The following ARHGEF37 variants were observed in gnomAD, a reference collection of about 807,000 sequenced individuals.
The protein encoded by ARHGEF37 is Rho guanine nucleotide exchange factor (GEF) 37.
ARHGEF37 carries 55 observed loss-of-function variants against 71.1 expected under a neutral mutation model. The ratio of observed to expected loss-of-function variants is 0.77; its 90% CI spans 0.62 to 0.97. The LOEUF (loss-of-function observed/expected upper bound fraction) is 0.97. Among genes scored for constraint, ARHGEF37 ranks in the 50% least tolerant of loss-of-function variants. ARHGEF37 has a pLI of 0.00. For missense variants in ARHGEF37, 765 were observed against 836.8 expected, an observed-to-expected ratio of 0.91 and a Z score of 1.06; for synonymous variants, 327 against 350.6, an observed-to-expected ratio of 0.93 and a Z score of 0.75.
At chr5:149,557,478 G>T (rs4705349) in intron 1 of ARHGEF37, among the ~76,000 whole-genome samples, 1 of 150,320 alleles carries the variant, frequency 6.7e-6, no homozygotes, top group Non-Finnish European at 1.5e-5. Flanking sequence ...TTGTTTGTTT[G>T]TTTATTTATT....
At chr5:149,577,030 C>T (rs1484471402), upstream of ARHGEF37, among the ~76,000 whole-genome samples, 4 of 152,056 alleles carry the variant, frequency 2.6e-5, no homozygotes, top group Non-Finnish European at 5.9e-5. Context: ...TAGTAGAATA[C>T]ACTTTTTACA....
intron 1 of ARHGEF37, among the ~76,000 whole-genome samples, chr5:149,562,555 G>A (rs1321120015): frequency 6.6e-6 from 1 of 152,136 alleles, no homozygotes; most frequent in Admixed American, 6.5e-5. Flanking sequence ...CTATCCTCCT[G>A]CCTCAACCTC....
upstream of ARHGEF37, among the ~76,000 whole-genome samples, chr5:149,580,734 A>G (rs936514079): frequency 3.3e-5 from 5 of 152,230 alleles, no homozygotes; most frequent in Non-Finnish European, 5.9e-5. Context: ...ATAATAAATA[A>G]TAAGCCCTAA....
chr5:149,588,005 T>G (rs1344929967), intron 1 of ARHGEF37, among the ~76,000 whole-genome samples: 1 of 151,172 alleles, frequency 6.6e-6, no homozygotes, highest in Non-Finnish European at 1.5e-5. Context: ...CAAGCGATTC[T>G]CCTGCCTCAG....
chr5:149,626,927 C>T, intron 10 of ARHGEF37, 149 bp from the exon 11 acceptor site: 1 of 630,210 alleles, frequency 1.6e-6, no homozygotes, highest in Non-Finnish European at 2.5e-6. Flanking sequence ...CTAGTGAGGG[C>T]CCTGTTGCCC....
intron 11 of ARHGEF37, 26 bp downstream of exon 11, chr5:149,627,297 T>C (rs746637557): frequency 3.5e-5 from 56 of 1,603,766 alleles, no homozygotes; most frequent in Middle Eastern, 1.8e-4. Context: ...GGAGCCCTTC[T>C]TCTCCTTCGG....
At chr5:149,596,548 G>T (rs1763552468) in intron 1 of ARHGEF37, among the ~76,000 whole-genome samples, 2 of 152,120 alleles carry the variant, frequency 1.3e-5, no homozygotes, top group Admixed American at 6.6e-5. Context: ...CAGGTGGTTT[G>T]CCCACCTCAG....
intron 1 of ARHGEF37, among the ~76,000 whole-genome samples, chr5:149,565,207 ACTCCCAAAGCACC>A (rs1264450214): frequency 4.6e-5 from 7 of 152,070 alleles, no homozygotes; most frequent in Non-Finnish European, 1.0e-4. Context: ...CCTTTTATTT[ACTCCCAAAGCACC>A]CTGTTCTTCC....
intron 1 of ARHGEF37, among the ~76,000 whole-genome samples, chr5:149,586,092 C>A (rs953356721): frequency 6.6e-6 from 1 of 152,166 alleles, no homozygotes; most frequent in African/African-American, 2.4e-5. Context: ...ATGATCCCTG[C>A]CCTCATGGAG....
At chr5:149,574,112 C>T (rs1763000510) in intron 1 of ARHGEF37, among the ~76,000 whole-genome samples, 1 of 152,140 alleles carries the variant, frequency 6.6e-6, no homozygotes, top group South Asian at 2.1e-4. Flanking sequence ...TATCCTTGCC[C>T]ACACAATGGC....
intron 1 of ARHGEF37, among the ~76,000 whole-genome samples, chr5:149,594,443 T>G (rs1363373194): frequency 2.6e-5 from 4 of 152,206 alleles, no homozygotes; most frequent in Admixed American, 2.6e-4. Flanking sequence ...ACAGATTTGT[T>G]TCAGGATCTT....
rs1202292580 is a variant in ARHGEF37, at chr5:149,598,742, ATATATATC to A, written c.186+795_186+802del. Among the ~76,000 whole-genome samples, 102 of 75,514 alleles carry A rather than the reference ATATATATC, an allele frequency of 1.4e-3. 2 individuals are homozygous for A. In the East Asian group the frequency reaches 0.034, roughly 25 times the overall value. The allele number at this position is 75,514 out of a possible 152,430, so 49.5% of individuals were successfully genotyped here. A position where few individuals can be genotyped will look rare whatever the true frequency, so the allele number is the denominator to read the frequency against. ...ATTCCAGAAAAAATAAATCTCATAT[ATATATATC>A]TATATATAGATATAGATATAGATAT... On this transcript the variant is annotated intron_variant, in intron 2 of 12. Coordinates refer to ENST00000333677, the MANE Select transcript of ARHGEF37 (RefSeq NM_001001669.3).
At chr5:149,581,114 G>C (rs1166741564), upstream of ARHGEF37, among the ~76,000 whole-genome samples, 2 of 152,208 alleles carry the variant, frequency 1.3e-5, no homozygotes, top group Non-Finnish European at 2.9e-5. Context: ...CCAACACTAA[G>C]AATTAAATTG....
At chr5:149,566,360 G>A (rs571694623) in intron 1 of ARHGEF37, among the ~76,000 whole-genome samples, 12 of 151,934 alleles carry the variant, frequency 7.9e-5, no homozygotes, top group African/African-American at 1.2e-4. Context: ...AGCTGGTCAT[G>A]GTAGCAGGCA....
At chr5:149,561,046 A>G (rs1762822182) in intron 1 of ARHGEF37, among the ~76,000 whole-genome samples, 3 of 152,124 alleles carry the variant, frequency 2.0e-5, no homozygotes, top group Admixed American at 2.0e-4. Context: ...AGGCCAAAGC[A>G]GGTGGATCAC....
intron 1 of ARHGEF37, among the ~76,000 whole-genome samples, chr5:149,558,481 G>T (rs1407820493): frequency 6.6e-6 from 1 of 152,146 alleles, no homozygotes; most frequent in Non-Finnish European, 1.5e-5. Context: ...ACTCCAGCCT[G>T]GGCGACAGAG....
In ARHGEF37 at chr5:149,621,999, C is replaced by T. The variant is rs776755385; in HGVS notation, c.1272C>T (p.Phe424=). The change falls in exon 9 of 13, where the codon TTC becomes TTT. Residue 424 remains phenylalanine, a synonymous_variant. Transcript: ENST00000333677. ...MQWLGQIMCT[F]VTLQRDLAKQ... is the part of the protein sequence containing the mutation. ...GGCTGGGCCAGATCATGTGCACATT[C>T]GTGACCCTCCAGAGGGACCTTGCAA... The T allele has an allele frequency of 5.0e-5, 80 of 1,613,994 alleles. No individual in the cohort carries two copies. Among genetic ancestry groups the T allele is most frequent in the South Asian group, 3.5e-4 (32 of 91,084 alleles).
At chr5:149,563,178 C>T (rs1219066104) in intron 1 of ARHGEF37, among the ~76,000 whole-genome samples, 1 of 152,208 alleles carries the variant, frequency 6.6e-6, no homozygotes, top group Non-Finnish European at 1.5e-5. Flanking sequence ...CCTTCCTAGA[C>T]AATGCTGCTT....
intron 5 of ARHGEF37, 127 bp from the exon 6 acceptor site, chr5:149,618,049 C>A: frequency 7.4e-7 from 1 of 1,349,952 alleles, no homozygotes; most frequent in Non-Finnish European, 1.0e-6. Context: ...GTGTGACTCA[C>A]TAACCTCATG....
Sources: gnomAD v4.1 joint callset for allele counts (sites outside exome capture counted in the v4.1 genomes callset) on GRCh38, gnomAD v4.1.1 for gene constraint, MANE v1.5 for transcripts, NCBI Gene and HGNC (gene_info 2026-07-23, HGNC 2026-07-21) for gene names.